Variants in MSTO1 observed in about 807,000 individuals in gnomAD.
MSTO1 encodes the protein misato mitochondrial distribution and morphology regulator 1, also known as protein misato homolog 1.
MSTO1 carries 24 observed loss-of-function variants against 55.7 expected under a neutral mutation model. That is an observed-to-expected ratio of 0.43 (90% confidence interval 0.31 to 0.61). The LOEUF is 0.61. Among genes scored for constraint, MSTO1 ranks in the 20% least tolerant of loss-of-function variants. MSTO1 has a pLI of 0.09. For missense variants in MSTO1, 363 were observed against 625.7 expected (o/e 0.58, Z 4.48); for synonymous variants, 162 against 252.8 (o/e 0.64, Z 3.41).
chr1:155,586,516 A>G, the MSTO1 span: 1 of 180,294 alleles, frequency 5.5e-6, no homozygotes, highest in African/African-American at 2.4e-5. Context: ...ATTGTTCTTT[A>G]TTAGGCTGTA....
At chr1:155,607,882 A>T (rs1220699960), upstream of MSTO1, among the ~76,000 whole-genome samples, 1 of 152,208 alleles carries the variant, frequency 6.6e-6, no homozygotes, top group Non-Finnish European at 1.5e-5. Context: ...CTGTAATTGC[A>T]GCTACTTGGG....
At chr1:155,584,139 C>T in the MSTO1 span, among the ~76,000 whole-genome samples, 4 of 151,986 alleles carry the variant, frequency 2.6e-5, no homozygotes, top group Non-Finnish European at 4.4e-5. Flanking sequence ...GAGGCCAAGG[C>T]GGGAGGATCA....
At chr1:155,577,300 G>C in the MSTO1 span, among the ~76,000 whole-genome samples, 1 of 151,716 alleles carries the variant, frequency 6.6e-6, no homozygotes, top group Non-Finnish European at 1.5e-5. Context: ...ATGTTAGCCA[G>C]GATGGTCTCG....
the MSTO1 span, among the ~76,000 whole-genome samples, chr1:155,600,398 C>A: frequency 6.6e-6 from 1 of 152,330 alleles, no homozygotes; most frequent in East Asian, 1.9e-4. Flanking sequence ...TTAACAGAAT[C>A]TCAAGGCAGA....
the MSTO1 span, among the ~76,000 whole-genome samples, chr1:155,604,010 G>A: frequency 6.6e-6 from 1 of 152,112 alleles, no homozygotes; most frequent in South Asian, 2.1e-4. Context: ...AACTTTAGTT[G>A]CCTAAAGCTG....
the MSTO1 span, among the ~76,000 whole-genome samples, chr1:155,592,362 CAAT>C: frequency 6.6e-6 from 1 of 152,142 alleles, no homozygotes; most frequent in Non-Finnish European, 1.5e-5. Flanking sequence ...AGAAAGGACA[CAAT>C]AACACAAGTT....
chr1:155,575,100 C>A, the MSTO1 span, among the ~76,000 whole-genome samples: 1 of 151,782 alleles, frequency 6.6e-6, no homozygotes, highest in African/African-American at 2.4e-5. Context: ...TTCCTGACCT[C>A]GGGTGATTCA....
chr1:155,582,991 A>T, the MSTO1 span, among the ~76,000 whole-genome samples: 1 of 151,544 alleles, frequency 6.6e-6, no homozygotes, highest in Non-Finnish European at 1.5e-5. Flanking sequence ...TCAGCCTCCC[A>T]AGTAGCTGAG....
chr1:155,601,738 C>T, the MSTO1 span, among the ~76,000 whole-genome samples: 1 of 152,006 alleles, frequency 6.6e-6, no homozygotes, highest in Non-Finnish European at 1.5e-5. Flanking sequence ...TTTTCTTCTG[C>T]CTTTTATTTA....
intron 9 of MSTO1, 48 bp downstream of exon 9, chr1:155,612,618 C>T: frequency 3.2e-6 from 5 of 1,561,794 alleles, no homozygotes; most frequent in Non-Finnish European, 4.3e-6. Context: ...ACAGGGCCTC[C>T]TCATGCTCCC....
chr1:155,571,282 C>G, the MSTO1 span, among the ~76,000 whole-genome samples: 1 of 152,186 alleles, frequency 6.6e-6, no homozygotes, highest in East Asian at 1.9e-4. Flanking sequence ...AATTGATAAA[C>G]TTTCTTAAAA....
chr1:155,607,823 C>T (rs555177192), upstream of MSTO1, among the ~76,000 whole-genome samples: 302 of 152,254 alleles, frequency 2.0e-3, no homozygotes, highest in African/African-American at 6.9e-3. Context: ...ATGGTGAAAC[C>T]CCTTCTGTAC....
chr1:155,603,913 C>G, the MSTO1 span, among the ~76,000 whole-genome samples: 1 of 151,810 alleles, frequency 6.6e-6, no homozygotes, highest in African/African-American at 2.4e-5. Context: ...GGTAGAAGTT[C>G]TTTTACATTC....
chr1:155,563,633 G>A, the MSTO1 span: 2 of 455,024 alleles, frequency 4.4e-6, no homozygotes, highest in South Asian at 3.1e-5. Context: ...GCCTGGTGAT[G>A]GAGGATGAAG....
chr1:155,595,928 T>C, the MSTO1 span, among the ~76,000 whole-genome samples: 2 of 152,210 alleles, frequency 1.3e-5, no homozygotes, highest in Non-Finnish European at 2.9e-5. Context: ...ATTCCAGCAG[T>C]ATCTAGTGTT....
At chr1:155,584,459 G>A in the MSTO1 span, among the ~76,000 whole-genome samples, 2 of 151,982 alleles carry the variant, frequency 1.3e-5, no homozygotes, top group East Asian at 3.9e-4. Context: ...TTGAGCCCAG[G>A]AGTTCAAGAC....
chr1:155,605,296 C>G (rs983679742), upstream of MSTO1, among the ~76,000 whole-genome samples: 2 of 150,188 alleles, frequency 1.3e-5, no homozygotes, highest in Non-Finnish European at 3.0e-5. Flanking sequence ...AAAACAAAAA[C>G]AATATTGAAA....
chr1:155,608,990 CAT>C (rs1673164160), upstream of MSTO1, among the ~76,000 whole-genome samples: 1 of 142,814 alleles, frequency 7.0e-6, no homozygotes, highest in Non-Finnish European at 1.5e-5. Context: ...CGCCCGGCTA[CAT>C]GTTTTGTATT....
chr1:155,589,699 C>T, the MSTO1 span, among the ~76,000 whole-genome samples: 7 of 151,850 alleles, frequency 4.6e-5, no homozygotes, highest in Non-Finnish European at 7.4e-5. Flanking sequence ...TGTTCGAGGG[C>T]GGGAAGCATC....
Sources: gnomAD v4.1 joint callset for allele counts (sites outside exome capture counted in the v4.1 genomes callset) on GRCh38, gnomAD v4.1.1 for gene constraint, MANE v1.5 for transcripts, NCBI Gene and HGNC (gene_info 2026-07-23, HGNC 2026-07-21) for gene names.